Variants in OGDHL observed in about 807,000 individuals in gnomAD.
OGDHL encodes 2-oxoglutarate dehydrogenase-like, mitochondrial.
Under a neutral mutation model 109.6 loss-of-function variants are expected in OGDHL, and 79 were observed. The observed-to-expected ratio is 0.72, with a 90% confidence interval of 0.60 to 0.87. The LOEUF (loss-of-function observed/expected upper bound fraction) is 0.87, where lower values mean the gene tolerates loss of function less well. Among genes scored for constraint, OGDHL ranks in the 40% least tolerant of loss-of-function variants. The pLI is 0.00. For missense variants in OGDHL, 1,275 were observed against 1,362.2 expected (o/e 0.94, Z 1.01); for synonymous variants, 528 against 537.2 (o/e 0.98, Z 0.24).
chr10:49,755,983 C>T (rs1433175237), intron 3 of OGDHL, among the ~76,000 whole-genome samples: 1 of 152,178 alleles, frequency 6.6e-6, no homozygotes, highest in African/African-American at 2.4e-5. Context: ...GGAACCCAAC[C>T]CTGCTCACCT....
chr10:49,745,295 G>A, intron 12 of OGDHL, 49 bp downstream of exon 12: 1 of 1,603,646 alleles, frequency 6.2e-7, no homozygotes, highest in East Asian at 2.2e-5. Flanking sequence ...CCTCTCCAGG[G>A]TCCCCACCCA....
At position 49,749,791 on chromosome 10, in the gene OGDHL, C is replaced by T. The variant is rs1040441881; in HGVS notation, c.922G>A (p.Val308Met). ...ATCTGCTCCAGGTCCTTGCGGATCA[C>T]GTTGGCCAGCACGTTCAGCCTTCCC... ...HRGRLNVLAN[V>M]IRKDLEQIFC... The change falls in exon 8 of 23, where the codon GTG (valine) becomes ATG (methionine). Residue 308 changes from valine (V) to methionine (M), a missense_variant. Physicochemically the swap from Val to Met is conservative, Grantham distance 21. Coordinates refer to ENST00000374103, the MANE Select transcript of OGDHL (RefSeq NM_018245.3). The T allele has an allele frequency of 4.1e-5, 66 of 1,600,260 alleles. No homozygotes were observed. The highest frequency in any genetic ancestry group is 5.3e-5 in the African/African-American group (4 of 74,778).
Position 49,740,583 on chromosome 10 carries a change from G to A in OGDHL, c.2140+127C>T. On this transcript the variant is annotated intron_variant, in intron 16 of 22. Coordinates refer to ENST00000374103, the MANE Select transcript of OGDHL (RefSeq NM_018245.3). ...GGGCAGCCCAATCACCATCCCCCAG[G>A]GCCATCCCCTAAGGGCCTCTGAGCA... 5 of 1,190,426 alleles carry A rather than the reference G, an allele frequency of 4.2e-6. No homozygotes were observed. In the South Asian group the frequency reaches 6.8e-5, roughly 16 times the overall value. The allele number at this position is 1,190,426 out of a possible 1,614,324, so 73.7% of individuals were successfully genotyped here.
chr10:49,736,221 T>C (rs753164788), intron 21 of OGDHL, 44 bp from the exon 22 acceptor site: 12 of 1,570,110 alleles, frequency 7.6e-6, no homozygotes, highest in Non-Finnish European at 2.6e-6. Flanking sequence ...GGAGGGGCGG[T>C]ATGTCCCCAG....
Position 49,745,732 on chromosome 10 carries a change from A to C in OGDHL, c.1476+66T>G, listed in dbSNP as rs77462587. On this transcript the variant is annotated intron_variant, in intron 11 of 22. Transcript: ENST00000374103. ...CCTGAGTGCTGAAGATGCTGATGAC[A>C]TGGCTGGCTCAGCACAGCAGGGATG... is the stretch of plus-strand genomic sequence containing the variant. 59,471 of 1,548,956 alleles carry C rather than the reference A, an allele frequency of 0.038. 1,521 individuals carry two copies. Among genetic ancestry groups the C allele is most frequent in the African/African-American group, 0.094 (6,930 of 73,926 alleles).
rs537804399 is a variant in OGDHL, at chr10:49,748,465, T to C, written c.988-1257A>G. ...AAGAATGGAGTCTCACTGAGGAACA[T>C]ATTCTCATTGTATAAGCTTTGTTCT... On this transcript the variant is annotated intron_variant, in intron 8 of 22. Transcript: ENST00000374103. Among the ~76,000 whole-genome samples, 30 of 152,300 alleles carry C rather than the reference T, an allele frequency of 2.0e-4. 1 individual carries two copies. In the South Asian group the frequency reaches 5.2e-3, roughly 26 times the overall value.
At chr10:49,757,298 T>C (rs113008625) in intron 2 of OGDHL, among the ~76,000 whole-genome samples, 1,595 of 152,350 alleles carry the variant, frequency 0.01, 22 homozygotes, top group African/African-American at 0.035. Flanking sequence ...GATGTATGGC[T>C]GCTACTCTCT....
At chr10:49,755,652 T>C (rs1401716113) in intron 3 of OGDHL, among the ~76,000 whole-genome samples, 4 of 152,108 alleles carry the variant, frequency 2.6e-5, no homozygotes, top group Non-Finnish European at 1.5e-5. Flanking sequence ...TGGGAGCTCA[T>C]CCACACCAGG....
chr10:49,752,728 G>T lies in OGDHL; in HGVS notation c.388C>A (p.His130Asn), dbSNP rs775368728. 6 of 1,613,768 alleles carry T rather than the reference G, an allele frequency of 3.7e-6. No individual in the cohort carries two copies. In the East Asian group the frequency reaches 8.9e-5, roughly 24 times the overall value. ...CCCAGGGGGTCCAGCTGGGCCACATGGTGACCCCGGATCTGGGAGGAGGGA... is the reference window on the plus strand; with the variant it reads ...CCCAGGGGGTCCAGCTGGGCCACATTGTGACCCCGGATCTGGGAGGAGGGA... ...LIRAYQIRGHHVAQLDPLGIL... is the reference protein window; with the variant it reads ...LIRAYQIRGHNVAQLDPLGIL... Residue 130 changes from histidine (H) to asparagine (N), a missense_variant, in exon 4 of 23, where the codon CAT becomes AAT. Transcript: ENST00000374103.
chr10:49,740,700 G>A lies in OGDHL; in HGVS notation c.2140+10C>T, dbSNP rs749333429. 14 of 1,611,894 alleles carry A rather than the reference G, an allele frequency of 8.7e-6. No individual in the cohort carries two copies. Among genetic ancestry groups the A allele is most frequent in the East Asian group, 4.5e-5 (2 of 44,828 alleles). On this transcript the variant is annotated intron_variant, in intron 16 of 22. Coordinates refer to ENST00000374103, the MANE Select transcript of OGDHL (RefSeq NM_018245.3). ...GGGCCTGCCTGGCCTGCAGGAGAGC[G>A]TGGACCCACCCAGGACTCCGTACTC...
chr10:49,741,342 G>C (rs1367520924), intron 15 of OGDHL, among the ~76,000 whole-genome samples: 1 of 152,098 alleles, frequency 6.6e-6, no homozygotes, highest in Middle Eastern at 3.2e-3. Flanking sequence ...CTGAACCCCA[G>C]TCCCTGGCAA....
chr10:49,750,744 CCAA>C (rs1842530140), intron 7 of OGDHL, 92 bp downstream of exon 7: 1 of 1,442,272 alleles, frequency 6.9e-7, no homozygotes, highest in African/African-American at 1.4e-5. Flanking sequence ...CCAGGTCCCA[CCAA>C]CACCTCCGCT....
At chr10:49,756,505 G>A in intron 3 of OGDHL, 1 of 315,468 alleles carries the variant, frequency 3.2e-6, no homozygotes. Flanking sequence ...CTTACTAAGT[G>A]CTCCTCCACG....
rs112294078 is a variant in OGDHL, at chr10:49,745,585, C to T, written c.1477-89G>A. 8.9e-5 allele frequency: 136 copies of T among 1,534,572 alleles called. 1 individual carries two copies. The African/African-American group carries it at 1.5e-3, about 17-fold the overall frequency. ...AAAATTGGGGAATATCTGGGTAGGG[C>T]ACACCCACTGGGAGCCCTTTGAGCT... On this transcript the variant is annotated intron_variant, in intron 11 of 22. Coordinates refer to ENST00000374103, the MANE Select transcript of OGDHL (RefSeq NM_018245.3).
chr10:49,744,962 C>A (rs533137159), intron 12 of OGDHL, among the ~76,000 whole-genome samples: 1 of 152,184 alleles, frequency 6.6e-6, no homozygotes, highest in Non-Finnish European at 1.5e-5. Context: ...GCCTGCAGTG[C>A]GCTCAGCAAG....
At chr10:49,742,329 C>T (rs1841782243) in intron 15 of OGDHL, among the ~76,000 whole-genome samples, 1 of 45,496 alleles carries the variant, frequency 2.2e-5, no homozygotes, top group Non-Finnish European at 4.9e-5. Context: ...AAACACCACA[C>T]ACGACACACA....
intron 3 of OGDHL, among the ~76,000 whole-genome samples, chr10:49,755,912 T>A (rs1842887463): frequency 6.6e-6 from 1 of 152,194 alleles, no homozygotes; most frequent in South Asian, 2.1e-4. Context: ...AAAGACACAA[T>A]ACACAATAGC....
Position 49,738,091 on chromosome 10 carries a change from T to C in OGDHL, c.2392-19A>G, listed in dbSNP as rs200793109. 2.5e-6 allele frequency: 4 copies of C among 1,614,072 alleles called. No homozygotes were observed. The African/African-American group carries it at 4.0e-5, about 16-fold the overall frequency. On this transcript the variant is annotated intron_variant, in intron 18 of 22. Coordinates refer to ENST00000374103, the MANE Select transcript of OGDHL (RefSeq NM_018245.3). ...TGAATGCCTGTGGGGACGAGATGCA[T>C]ATGGCCAGGGTGGCTGTCTGCTGCA...
chr10:49,761,620 C>A (rs1382658348), intron 1 of OGDHL, among the ~76,000 whole-genome samples: 1 of 152,184 alleles, frequency 6.6e-6, no homozygotes, highest in Non-Finnish European at 1.5e-5. Context: ...GGCCGAGGGG[C>A]GTCAAAGGGT....
Sources: gnomAD v4.1 joint callset for allele counts (sites outside exome capture counted in the v4.1 genomes callset) on GRCh38, gnomAD v4.1.1 for gene constraint, MANE v1.5 for transcripts, NCBI Gene and HGNC (gene_info 2026-07-23, HGNC 2026-07-21) for gene names.